PCDHGA7: variants seen among roughly 807,000 people sequenced by gnomAD.
PCDHGA7 encodes the protein protocadherin gamma-A7.
A neutral mutation model predicts 58.3 loss-of-function variants in PCDHGA7; 44 were observed. That is an observed-to-expected ratio of 0.75 (90% CI 0.59 to 0.97). The LOEUF (loss-of-function observed/expected upper bound fraction) is 0.97, where lower values mean the gene tolerates loss of function less well. PCDHGA7 is among the 50% of genes least tolerant of loss of function. The probability of loss-of-function intolerance (pLI) is 0.00; values close to 1 mark genes in which losing one functional copy is unlikely to be tolerated. For missense variants in PCDHGA7, 1,266 were observed against 1,188.7 expected (o/e 1.06, Z -0.96); for synonymous variants, 516 against 504.2 (o/e 1.02, Z -0.31).
At chr5:141,505,780 G>A (rs1595982811) in intron 3 of PCDHGA7, among the ~76,000 whole-genome samples, 1 of 139,456 alleles carries the variant, frequency 7.2e-6, no homozygotes, top group Non-Finnish European at 1.6e-5. Flanking sequence ...TCCTAGCTCT[G>A]CTACTATCCT....
chr5:141,415,740 G>GTTTTTTTTT (rs57426385), intron 1 of PCDHGA7: 68 of 625,028 alleles, frequency 1.1e-4, no homozygotes, highest in African/African-American at 1.3e-4. Context: ...GTTTATTAAG[G>GTTTTTTTTT]TTTTTTTTTT....
At chr5:141,413,248 G>C in intron 1 of PCDHGA7, 1 of 1,613,962 alleles carries the variant, frequency 6.2e-7, no homozygotes, top group Non-Finnish European at 8.5e-7. Context: ...CCTTTTCTTC[G>C]GGATTCCATG....
At chr5:141,500,417 G>A in intron 2 of PCDHGA7, among the ~76,000 whole-genome samples, 1 of 151,736 alleles carries the variant, frequency 6.6e-6, no homozygotes, top group East Asian at 2.0e-4. Flanking sequence ...CACCGTGTTA[G>A]CCAGGATGGT....
In PCDHGA7 at chr5:141,490,889, T is replaced by G. The variant is rs568838001; in HGVS notation, c.2425-3918T>G. The G allele has an allele frequency of 6.2e-7, 1 of 1,613,406 alleles. No homozygotes were observed. Among genetic ancestry groups the G allele is most frequent in the Non-Finnish European group, 8.5e-7 (1 of 1,179,428 alleles). ...CCCCCATTGCATGCCAACACATCTCTGCATGTGTTTGTCCTAGACGAGAAT... is the reference window on the plus strand; with the variant it reads ...CCCCCATTGCATGCCAACACATCTCGGCATGTGTTTGTCCTAGACGAGAAT... On this transcript the variant is annotated intron_variant, in intron 1 of 3. Coordinates refer to ENST00000518325, the MANE Select transcript of PCDHGA7 (RefSeq NM_018920.4). This position sits in a 1 kb window ranked among gnomAD's most constrained non-coding sequence, Gnocchi z 5.4.
At position 141,509,907 on chromosome 5, in the gene PCDHGA7, C is replaced by G. The variant is rs149338646; in HGVS notation, c.2573-1040C>G. Among the ~76,000 whole-genome samples, 567 of 152,300 alleles carry G rather than the reference C, an allele frequency of 3.7e-3. 5 individuals carry two copies. Among genetic ancestry groups the G allele is most frequent in the Admixed American group, 0.011 (163 of 15,296 alleles). ...GTGACTGACTGTCCCTTCCAGCATGCGCTTAGGTACACTTGGGCCTGAATG... is the reference window on the plus strand; with the variant it reads ...GTGACTGACTGTCCCTTCCAGCATGGGCTTAGGTACACTTGGGCCTGAATG... On this transcript the variant is annotated intron_variant, in intron 3 of 3. Coordinates refer to ENST00000518325, the MANE Select transcript of PCDHGA7 (RefSeq NM_018920.4).
rs775153988 is a variant in PCDHGA7 at position 141,485,268 on chromosome 5, G to A, written c.2425-9539G>A. On this transcript the variant is annotated intron_variant, in intron 1 of 3. Coordinates refer to ENST00000518325, the MANE Select transcript of PCDHGA7 (RefSeq NM_018920.4). This position sits in a 1 kb window ranked among gnomAD's most constrained non-coding sequence, Gnocchi z 5.7. ...CTGGGTTACGTTTGTGGGCAGATCC[G>A]CTACCCGGTCCCAGAGGAGTCACAG... 6.2e-7 allele frequency: 1 copy of A among 1,614,100 alleles called. No homozygotes were observed. Among genetic ancestry groups the A allele is most frequent in the Non-Finnish European group, 8.5e-7 (1 of 1,179,936 alleles).
In PCDHGA7 at chr5:141,431,508, G is replaced by A. The variant is rs774545870; in HGVS notation, c.2424+46185G>A. ...TTTGCTCAGCCCGAGTACCGCGCGA[G>A]CGTTCCGGAGAATCTGGCCTTGGGC... On this transcript the variant is annotated intron_variant, in intron 1 of 3. Coordinates refer to ENST00000518325, the MANE Select transcript of PCDHGA7 (RefSeq NM_018920.4). The surrounding 1 kb of genome is among the most constrained non-coding windows in gnomAD (Gnocchi z 4.8). 12 of 1,613,914 alleles carry A rather than the reference G, an allele frequency of 7.4e-6. No individual in the cohort carries two copies. Among genetic ancestry groups the A allele is most frequent in the East Asian group, 2.2e-5 (1 of 44,904 alleles).
At chr5:141,499,061 G>A (rs1300036203) in intron 2 of PCDHGA7, among the ~76,000 whole-genome samples, 1 of 151,914 alleles carries the variant, frequency 6.6e-6, no homozygotes, top group African/African-American at 2.4e-5. Flanking sequence ...AAATGAAGAA[G>A]ACTTACATTC....
chr5:141,413,636 T>G, intron 1 of PCDHGA7: 2 of 1,613,876 alleles, frequency 1.2e-6, no homozygotes, highest in South Asian at 2.2e-5. Context: ...GCTGCGGGAA[T>G]GCGTTTTCCT....
Position 141,477,983 on chromosome 5 carries a change from C to T in PCDHGA7, c.2425-16824C>T. 1 of 1,614,126 alleles carries T rather than the reference C, an allele frequency of 6.2e-7. No individual in the cohort carries two copies. Among genetic ancestry groups the T allele is most frequent in the Non-Finnish European group, 8.5e-7 (1 of 1,180,024 alleles). ...TAACCAGAGCCTTTTTGCCATAGGGCTGCACACTGGTCAAATCAGTACTGC... is the reference window on the plus strand; with the variant it reads ...TAACCAGAGCCTTTTTGCCATAGGGTTGCACACTGGTCAAATCAGTACTGC... On this transcript the variant is annotated intron_variant, in intron 1 of 3. Coordinates refer to ENST00000518325, the MANE Select transcript of PCDHGA7 (RefSeq NM_018920.4). The surrounding 1 kb of genome is among the most constrained non-coding windows in gnomAD (Gnocchi z 4.9).
chr5:141,399,373 GT>G, intron 1 of PCDHGA7: 1 of 1,613,982 alleles, frequency 6.2e-7, no homozygotes. Context: ...GGAGTACAAT[GT>G]CACCATCACA....
chr5:141,407,706 G>C (rs1350991580), intron 1 of PCDHGA7, among the ~76,000 whole-genome samples: 3 of 152,006 alleles, frequency 2.0e-5, no homozygotes, highest in Admixed American at 1.3e-4. Context: ...GTTGAAGGTG[G>C]GGTGATGGCT....
At chr5:141,409,719 CAGTG>C (rs2095305881) in intron 1 of PCDHGA7, 2 of 1,613,090 alleles carry the variant, frequency 1.2e-6, no homozygotes, top group South Asian at 2.2e-5. Flanking sequence ...TCATACGTGT[CAGTG>C]AGCGCGCAGA....
intron 2 of PCDHGA7, 58 bp downstream of exon 2, chr5:141,494,923 G>T: frequency 6.2e-7 from 1 of 1,613,698 alleles, no homozygotes; most frequent in Non-Finnish European, 8.5e-7. Context: ...CAGGGATGAC[G>T]TGGGAGGAGA....
At chr5:141,415,040 C>T (rs772941952) in intron 1 of PCDHGA7, 8 of 1,613,520 alleles carry the variant, frequency 5.0e-6, no homozygotes, top group South Asian at 1.1e-5. Context: ...GGACTCTTCG[C>T]GGTGGGGGAG....
chr5:141,489,178 C>T lies in PCDHGA7; in HGVS notation c.2425-5629C>T, dbSNP rs909255357. ...GAGACTTCAGCTGCTGCATTCCAAG[C>T]CCTGGGTCTACCTTGGAGACAGGAC... On this transcript the variant is annotated intron_variant, in intron 1 of 3. Transcript: ENST00000518325. This position sits in a 1 kb window ranked among gnomAD's most constrained non-coding sequence, Gnocchi z 4.5. 54 of 1,234,872 alleles carry T rather than the reference C, an allele frequency of 4.4e-5. 1 individual carries two copies. In the East Asian group the frequency reaches 1.2e-3, roughly 29 times the overall value. 76.5% of individuals were successfully genotyped at this position (1,234,872 alleles called of 1,614,324 possible). A position where few individuals can be genotyped will look rare whatever the true frequency, so the allele number is the denominator to read the frequency against.
At chr5:141,394,446 A>C in intron 1 of PCDHGA7, 1 of 1,614,246 alleles carries the variant, frequency 6.2e-7, no homozygotes, top group Non-Finnish European at 8.5e-7. Flanking sequence ...CCTCAGCAGC[A>C]ACATGTCACT....
rs752392369 is a variant in PCDHGA7 at position 141,422,109 on chromosome 5, A to G, written c.2424+36786A>G. ...AAAGCAAGGCTTCTGAAATATTCCA[A>G]TTGGATTCACAAACTGGAGAAGTTC... On this transcript the variant is annotated intron_variant, in intron 1 of 3. Coordinates refer to ENST00000518325, the MANE Select transcript of PCDHGA7 (RefSeq NM_018920.4). 6 of 1,606,850 alleles carry G rather than the reference A, an allele frequency of 3.7e-6. No homozygotes were observed. The African/African-American group carries it at 4.0e-5, about 11-fold the overall frequency.
chr5:141,491,507 C>A lies in PCDHGA7; in HGVS notation c.2425-3300C>A, dbSNP rs755899622. 1.9e-6 allele frequency: 3 copies of A among 1,614,038 alleles called. No individual in the cohort carries two copies. The highest frequency in any genetic ancestry group is 1.6e-4 in the Middle Eastern group (1 of 6,062). Reference sequence around the variant, plus strand: ...AACCTGCAGGTGAGCTCGGACGGCACGCTCAAGTACATGGAGGTGACGCTG... The same window carrying A: ...AACCTGCAGGTGAGCTCGGACGGCAAGCTCAAGTACATGGAGGTGACGCTG... On this transcript the variant is annotated intron_variant, in intron 1 of 3. Transcript: ENST00000518325. The surrounding 1 kb of genome is among the most constrained non-coding windows in gnomAD (Gnocchi z 6.9).
Sources: gnomAD v4.1 joint callset for allele counts (sites outside exome capture counted in the v4.1 genomes callset) on GRCh38, gnomAD v4.1.1 for gene constraint, Gnocchi (gnomAD v3.1) non-coding constraint, MANE v1.5 for transcripts, NCBI Gene and HGNC (gene_info 2026-07-23, HGNC 2026-07-21) for gene names.